Variants in NAV2 observed in about 807,000 individuals in gnomAD.
NAV2 encodes the protein helicase, APC down-regulated 1.
Under a neutral mutation model 223.2 loss-of-function variants are expected in NAV2, and 54 were observed. The observed-to-expected ratio is 0.24, with a 90% CI of 0.19 to 0.30. The LOEUF is 0.30. NAV2 is among the 10% of genes least tolerant of loss of function. NAV2 has a pLI of 1.00. For synonymous variants in NAV2, 1,279 were observed against 1,239.3 expected (o/e 1.03, Z -0.67); for missense variants, 2,806 against 3,147.5 (o/e 0.89, Z 2.60).
chr11:19,703,315 C>T (rs937112471), intron 1 of NAV2, among the ~76,000 whole-genome samples: 2 of 152,216 alleles, frequency 1.3e-5, no homozygotes, highest in African/African-American at 4.8e-5. Context: ...GGAGGTCAGA[C>T]ATTGACCAGC....
intron 2 of NAV2, among the ~76,000 whole-genome samples, chr11:19,838,284 G>A (rs2060335652): frequency 6.6e-6 from 1 of 152,164 alleles, no homozygotes; most frequent in African/African-American, 2.4e-5. Flanking sequence ...TCCATCGTGG[G>A]TCAGGTGCTC....
intron 33 of NAV2, 47 bp from the exon 34 acceptor site, chr11:20,103,606 A>G (rs1237717268): frequency 1.9e-6 from 3 of 1,599,694 alleles, no homozygotes; most frequent in Non-Finnish European, 2.6e-6. Context: ...CTTGTTCTCT[A>G]GCTTGGCTTG....
At chr11:19,973,434 T>C (rs1180945518) in intron 10 of NAV2, among the ~76,000 whole-genome samples, 1 of 152,172 alleles carries the variant, frequency 6.6e-6, no homozygotes, top group Non-Finnish European at 1.5e-5. Context: ...AGATGATGAT[T>C]GGCAGGTGTG....
At chr11:19,657,292 G>T (rs1223472141) in intron 1 of NAV2, among the ~76,000 whole-genome samples, 1 of 152,190 alleles carries the variant, frequency 6.6e-6, no homozygotes, top group African/African-American at 2.4e-5. Context: ...CATCCAGTTT[G>T]TGCCAGGTAC....
intron 1 of NAV2, among the ~76,000 whole-genome samples, chr11:19,367,269 C>G (rs1037156858): frequency 6.6e-6 from 1 of 152,196 alleles, no homozygotes; most frequent in Non-Finnish European, 1.5e-5. Context: ...GAGAAACCTT[C>G]TCTGCCTCCC....
chr11:19,651,715 A>G (rs1399938896), intron 1 of NAV2, among the ~76,000 whole-genome samples: 10 of 152,216 alleles, frequency 6.6e-5, no homozygotes. Flanking sequence ...TAAAAGCTCA[A>G]TGCATGGAAA....
chr11:19,696,853 A>G (rs2049357491), intron 1 of NAV2, among the ~76,000 whole-genome samples: 1 of 152,154 alleles, frequency 6.6e-6, no homozygotes, highest in South Asian at 2.1e-4. Context: ...GCTGCACGGT[A>G]GAATCACCTA....
At chr11:19,503,831 A>G (rs1446298688) in intron 1 of NAV2, 1 of 152,222 alleles carries the variant, frequency 6.6e-6, no homozygotes, top group Non-Finnish European at 1.5e-5. Context: ...ATGGCTGGAA[A>G]TTAAAAATTT....
intron 12 of NAV2, among the ~76,000 whole-genome samples, chr11:20,036,593 C>A (rs753713371): frequency 2.0e-5 from 3 of 152,160 alleles, no homozygotes; most frequent in Non-Finnish European, 4.4e-5. Flanking sequence ...GGGTTACATT[C>A]CCCTGCTGAC....
At chr11:19,348,098 G>A (rs1168793767), upstream of NAV2, among the ~76,000 whole-genome samples, 1 of 152,206 alleles carries the variant, frequency 6.6e-6, no homozygotes, top group East Asian at 1.9e-4. Context: ...CCTGCTGGTT[G>A]GGAGGTATTT....
At position 20,068,328 on chromosome 11, in the gene NAV2, G is replaced by T. The variant is rs142125793; in HGVS notation, c.4913G>T (p.Arg1638Leu). 2 of 1,614,060 alleles carry T rather than the reference G, an allele frequency of 1.2e-6. No individual in the cohort carries two copies. The highest frequency in any genetic ancestry group is 1.7e-6 in the Non-Finnish European group (2 of 1,179,932). ...TPEEKCQSEI[R>L]KLRRELDASQ... is the part of the protein sequence containing the mutation. ...CCTCTCCCTTGTCATCTTTAGATTC[G>T]CAAGCTGCGGCGGGAACTGGATGCC... is the stretch of plus-strand genomic sequence containing the variant. The change falls in exon 22 of 38, where the codon CGC (arginine) becomes CTC (leucine). Residue 1638 changes from arginine to leucine, a missense_variant. This residue lies in a region of NAV2 where 824 missense variants were observed against 1,069.4 expected (regional missense o/e 0.77). Transcript: ENST00000349880.
intron 4 of NAV2, among the ~76,000 whole-genome samples, chr11:19,871,121 T>C (rs1056285224): frequency 1.3e-5 from 2 of 152,166 alleles, no homozygotes; most frequent in Non-Finnish European, 2.9e-5. Context: ...AGTTTTGTGG[T>C]ATTTCAATAA....
At chr11:19,464,184 T>G (rs1000918004) in intron 1 of NAV2, among the ~76,000 whole-genome samples, 10 of 152,174 alleles carry the variant, frequency 6.6e-5, no homozygotes, top group African/African-American at 2.4e-4. Flanking sequence ...ACGAGCTGAC[T>G]GCAGGCTACA....
chr11:19,378,804 T>G (rs1705338019), intron 1 of NAV2, among the ~76,000 whole-genome samples: 1 of 152,060 alleles, frequency 6.6e-6, no homozygotes, highest in Non-Finnish European at 1.5e-5. Flanking sequence ...CTTCTGAGGA[T>G]CCGTTGGGTC....
chr11:20,082,484 C>A, intron 25 of NAV2: 1 of 1,040,532 alleles, frequency 9.6e-7, no homozygotes, highest in South Asian at 1.3e-5. Flanking sequence ...TATTATTAGC[C>A]ATGTTGTGTC....
chr11:19,682,505 G>T (rs2048907700), intron 1 of NAV2, among the ~76,000 whole-genome samples: 2 of 152,210 alleles, frequency 1.3e-5, no homozygotes, highest in Non-Finnish European at 2.9e-5. Context: ...GGCTGGTATT[G>T]TGTCAGTCCA....
At chr11:19,940,169 A>T (rs1019526369) in intron 8 of NAV2, among the ~76,000 whole-genome samples, 1 of 152,170 alleles carries the variant, frequency 6.6e-6, no homozygotes, top group Non-Finnish European at 1.5e-5. Context: ...TCGTTCCTGT[A>T]TGGAAGCACT....
chr11:19,449,773 C>T (rs1430885862), intron 1 of NAV2, among the ~76,000 whole-genome samples: 1 of 152,086 alleles, frequency 6.6e-6, no homozygotes, highest in Non-Finnish European at 1.5e-5. Context: ...AGTGCCTGGC[C>T]CAGAGCAAGT....
At chr11:20,076,576 C>T (rs1467700348) in intron 22 of NAV2, among the ~76,000 whole-genome samples, 1 of 152,176 alleles carries the variant, frequency 6.6e-6, no homozygotes, top group Non-Finnish European at 1.5e-5. Context: ...CAGCTCCATT[C>T]TTTATTTTTG....
Sources: allele counts gnomAD v4.1 joint callset (sites outside exome capture counted in the v4.1 genomes callset), GRCh38; gene constraint gnomAD v4.1.1; regional missense constraint gnomAD v4.1.1; transcripts MANE v1.5; gene names NCBI Gene and HGNC (gene_info 2026-07-23, HGNC 2026-07-21).